CLEC3A: variants seen among roughly 807,000 people sequenced by gnomAD.
CLEC3A encodes C-type (calcium dependent, carbohydrate-recognition domain) lectin, superfamily member 1 (cartilage-derived).
CLEC3A carries 28 observed loss-of-function variants against 20.4 expected under a neutral mutation model. That is an observed-to-expected ratio of 1.37 (90% confidence interval 1.02 to 1.88). CLEC3A has a LOEUF of 1.88. Ranked by LOEUF, CLEC3A falls within the 40% of genes most tolerant of loss-of-function variation. The pLI, the probability that CLEC3A is intolerant of heterozygous loss-of-function variation, is 0.00. For missense variants in CLEC3A, 357 were observed against 240.4 expected, an observed-to-expected ratio of 1.48 and a Z score of -3.21; for synonymous variants, 110 against 88.1, an observed-to-expected ratio of 1.25 and a Z score of -1.39.
At chr16:78,022,865 T>G in intron 1 of CLEC3A, 124 bp downstream of exon 1, 1 of 918,464 alleles carries the variant, frequency 1.1e-6, no homozygotes, top group Non-Finnish European at 1.6e-6. Flanking sequence ...CCATCATCCC[T>G]ATATGGCATT....
At chr16:78,028,261 A>C (rs2142592427) in intron 2 of CLEC3A, 71 bp downstream of exon 2, 1 of 1,140,492 alleles carries the variant, frequency 8.8e-7, no homozygotes, top group Non-Finnish European at 1.2e-6. Context: ...TTTCTGGGGG[A>C]CGTCTTTTTA....
chr16:78,026,972 G>A (rs539460553), intron 1 of CLEC3A, among the ~76,000 whole-genome samples: 2 of 152,316 alleles, frequency 1.3e-5, no homozygotes, highest in Non-Finnish European at 2.9e-5. Context: ...GGGACCTGGG[G>A]ACCCAAATCA....
chr16:78,028,710 A>C (rs560005368), intron 2 of CLEC3A, among the ~76,000 whole-genome samples: 1 of 152,356 alleles, frequency 6.6e-6, no homozygotes, highest in African/African-American at 2.4e-5. Flanking sequence ...CAGGTTTGGG[A>C]ACAGCCCTGG....
Position 78,031,519 on chromosome 16 carries a change from A to G in CLEC3A, c.*678A>G, listed in dbSNP as rs1481696934. The G allele has an allele frequency of 6.6e-6, 1 of 151,922 alleles. No individual in the cohort carries two copies. The highest frequency in any genetic ancestry group is 1.5e-5 in the Non-Finnish European group (1 of 68,000). 9.4% of individuals were successfully genotyped at this position (151,922 alleles called of 1,614,324 possible). ...AAATGACAAGGTGTATATTTGATCA[A>G]TTTTCATTCCCACCATTGCATTACA... is the stretch of plus-strand genomic sequence containing the variant. On this transcript the variant is annotated 3_prime_UTR_variant, in exon 3 of 3. Coordinates refer to ENST00000299642, the MANE Select transcript of CLEC3A (RefSeq NM_005752.6).
chr16:78,022,830 G>A lies in CLEC3A; in HGVS notation c.115+89G>A, dbSNP rs979494349. ...TGTTAATTTTCAAACTCCTCCAGGAGACTATCTTCGGTGATGGCACCATGC... is the reference window on the plus strand; with the variant it reads ...TGTTAATTTTCAAACTCCTCCAGGAAACTATCTTCGGTGATGGCACCATGC... On this transcript the variant is annotated intron_variant, in intron 1 of 2. Coordinates refer to ENST00000299642, the MANE Select transcript of CLEC3A (RefSeq NM_005752.6). 5 of 1,390,656 alleles carry A rather than the reference G, an allele frequency of 3.6e-6. No individual in the cohort carries two copies. In the African/African-American group the frequency reaches 5.8e-5, roughly 16 times the overall value. 86.1% of individuals were successfully genotyped at this position (1,390,656 alleles called of 1,614,324 possible).
chr16:78,024,253 ACTC>A (rs906301879), intron 1 of CLEC3A, among the ~76,000 whole-genome samples: 1 of 151,892 alleles, frequency 6.6e-6, no homozygotes, highest in Admixed American at 6.6e-5. Context: ...ATGGAGTGGC[ACTC>A]CTCGTGAGAG....
At chr16:78,027,170 A>T (rs897373558) in intron 1 of CLEC3A, among the ~76,000 whole-genome samples, 5 of 152,216 alleles carry the variant, frequency 3.3e-5, no homozygotes, top group African/African-American at 1.2e-4. Flanking sequence ...ACCAAGTATC[A>T]TGTTAAGCAT....
chr16:78,028,063 G>A (rs746980967), intron 1 of CLEC3A, 44 bp from the exon 2 acceptor site: 8 of 1,289,182 alleles, frequency 6.2e-6, no homozygotes, highest in African/African-American at 3.0e-5. Context: ...TTAATCATAC[G>A]CTTTTCATCC....
intron 2 of CLEC3A, among the ~76,000 whole-genome samples, chr16:78,029,344 T>G (rs182350976): frequency 6.6e-6 from 1 of 152,298 alleles, no homozygotes. Flanking sequence ...TCTCTCCACA[T>G]GCAAAACTAG....
chr16:78,028,256 G>A, intron 2 of CLEC3A, 66 bp downstream of exon 2: 3 of 1,194,202 alleles, frequency 2.5e-6, no homozygotes, highest in Middle Eastern at 2.0e-4. Context: ...GTCAATTTCT[G>A]GGGGACGTCT....
rs2030085133 is a variant in CLEC3A at position 78,030,974 on chromosome 16, A to C, written c.*133A>C. The C allele has an allele frequency of 9.8e-7, 1 of 1,020,876 alleles. No individual in the cohort carries two copies. The highest frequency in any genetic ancestry group is 1.6e-5 in the African/African-American group (1 of 61,614). 63.2% of individuals were successfully genotyped at this position (1,020,876 alleles called of 1,614,324 possible). ...CAAGATCAATGTCCATAGCAATATG[A>C]TAGCATCAGCCAATTTTGCTAACAC... On this transcript the variant is annotated 3_prime_UTR_variant, in exon 3 of 3. Coordinates refer to ENST00000299642, the MANE Select transcript of CLEC3A (RefSeq NM_005752.6).
chr16:78,030,839 T>C lies in CLEC3A; in HGVS notation c.592T>C (p.Ter198GlnextTer24), dbSNP rs748366181. 6 of 1,607,462 alleles carry C rather than the reference T, an allele frequency of 3.7e-6. No homozygotes were observed. The South Asian group carries it at 5.5e-5, about 15-fold the overall frequency. Residue 198 changes from the stop codon to glutamine, a stop_lost, in exon 3 of 3, where the codon TAG becomes CAG. Coordinates refer to ENST00000299642, the MANE Select transcript of CLEC3A (RefSeq NM_005752.6). ...CATATGCGAGTTCACCATCCCTCAA[T>C]AGGTCTTTCTCCAATGTGTCCTCCA... is the stretch of plus-strand genomic sequence containing the variant. ...RYICEFTIPQ[*>Q] is the part of the protein sequence containing the mutation.
chr16:78,025,279 T>C (rs1287702081), intron 1 of CLEC3A, among the ~76,000 whole-genome samples: 1 of 152,224 alleles, frequency 6.6e-6, no homozygotes, highest in Non-Finnish European at 1.5e-5. Context: ...TAATATTCCA[T>C]TGTTTGGATG....
At position 78,022,719 on chromosome 16, in the gene CLEC3A, G is replaced by C. The variant is rs141226927; in HGVS notation, c.93G>C (p.Lys31Asn). 7 of 1,614,050 alleles carry C rather than the reference G, an allele frequency of 4.3e-6. No homozygotes were observed. In the African/African-American group the frequency reaches 8.0e-5, roughly 18 times the overall value. Residue 31 changes from lysine (K) to asparagine (N), a missense_variant, in exon 1 of 3, where the codon AAG (lysine) becomes AAC (asparagine). Lys to Asn is a moderately conservative substitution (Grantham distance 94). Coordinates refer to ENST00000299642, the MANE Select transcript of CLEC3A (RefSeq NM_005752.6). Reference sequence around the variant, plus strand: ...ACACATCCAGATTAAAAGCCAGGAAGCACAGCAAACGTCGAGTGAGAGGTA... The same window carrying C: ...ACACATCCAGATTAAAAGCCAGGAACCACAGCAAACGTCGAGTGAGAGGTA... ...TSHTSRLKAR[K>N]HSKRRVRDKD...
chr16:78,030,339 C>G (rs2030055078), intron 2 of CLEC3A, 108 bp from the exon 3 acceptor site: 4 of 996,310 alleles, frequency 4.0e-6, no homozygotes, highest in Middle Eastern at 2.3e-4. Context: ...GTTGTCTCAT[C>G]ATTATCATAC....
chr16:78,028,258 G>A (rs1483931791), intron 2 of CLEC3A, 68 bp downstream of exon 2: 26 of 1,183,272 alleles, frequency 2.2e-5, no homozygotes, highest in Non-Finnish European at 3.0e-5. Flanking sequence ...CAATTTCTGG[G>A]GGACGTCTTT....
rs541277571 is a variant in CLEC3A, at chr16:78,031,622, C to A, written c.*781C>A. Reference sequence around the variant, plus strand: ...GATAAACGGAAACAGAAAAAAAGAACCTACATTTATTTTGCTTTAGCATCC... The same window carrying A: ...GATAAACGGAAACAGAAAAAAAGAAACTACATTTATTTTGCTTTAGCATCC... On this transcript the variant is annotated 3_prime_UTR_variant, in exon 3 of 3. Coordinates refer to ENST00000299642, the MANE Select transcript of CLEC3A (RefSeq NM_005752.6). 3.3e-5 allele frequency: 5 copies of A among 152,236 alleles called. No homozygotes were observed. In the East Asian group the frequency reaches 7.7e-4, roughly 23 times the overall value. The allele number at this position is 152,236 out of a possible 1,614,324, so 9.4% of individuals were successfully genotyped here. A position where few individuals can be genotyped will look rare whatever the true frequency, so the allele number is the denominator to read the frequency against.
intron 1 of CLEC3A, 114 bp downstream of exon 1, chr16:78,022,855 C>G (rs1424683784): frequency 8.3e-6 from 9 of 1,080,230 alleles, no homozygotes; most frequent in South Asian, 1.6e-5. Context: ...TGGCACCATG[C>G]CATCATCCCT....
chr16:78,025,190 G>C (rs2018796454), intron 1 of CLEC3A, among the ~76,000 whole-genome samples: 1 of 152,144 alleles, frequency 6.6e-6, no homozygotes, highest in Non-Finnish European at 1.5e-5. Context: ...TGTTTGGCTA[G>C]GCAAATAAAT....
Sources: allele counts gnomAD v4.1 joint callset (sites outside exome capture counted in the v4.1 genomes callset), GRCh38; gene constraint gnomAD v4.1.1; transcripts MANE v1.5; gene names NCBI Gene and HGNC (gene_info 2026-07-23, HGNC 2026-07-21).